The following NKAIN3 variants were observed in gnomAD, a reference collection of about 807,000 sequenced individuals.
NKAIN3 encodes sodium/potassium transporting ATPase interacting 3.
Under a neutral mutation model 30.2 loss-of-function variants are expected in NKAIN3, and 25 were observed. The ratio of observed to expected loss-of-function variants is 0.83; its 90% CI spans 0.60 to 1.16. The LOEUF (loss-of-function observed/expected upper bound fraction) is 1.16. NKAIN3 is among the 50% of genes most tolerant of loss of function. The pLI is 0.00. For synonymous variants in NKAIN3, 91 were observed against 89.6 expected, an observed-to-expected ratio of 1.02 and a Z score of -0.09; for missense variants, 225 against 254.1, an observed-to-expected ratio of 0.89 and a Z score of 0.78.
intron 4 of NKAIN3, among the ~76,000 whole-genome samples, chr8:62,817,068 C>G (rs1383858654): frequency 6.6e-6 from 1 of 152,142 alleles, no homozygotes; most frequent in African/African-American, 2.4e-5. Flanking sequence ...CTTTGCTTCC[C>G]TCTCTGTGCT....
intron 4 of NKAIN3, among the ~76,000 whole-genome samples, chr8:62,868,629 C>T (rs543367500): frequency 1.3e-5 from 2 of 152,120 alleles, no homozygotes; most frequent in Non-Finnish European, 2.9e-5. Context: ...GTGATAATGC[C>T]AGCATTTTCA....
intron 1 of NKAIN3, among the ~76,000 whole-genome samples, chr8:62,528,983 G>A (rs2129827137): frequency 6.6e-6 from 1 of 152,258 alleles, no homozygotes; most frequent in East Asian, 1.9e-4. Flanking sequence ...AGCCATAGGG[G>A]TAGAAGCAGA....
chr8:62,300,908 C>T (rs370664115), intron 1 of NKAIN3, among the ~76,000 whole-genome samples: 10 of 151,856 alleles, frequency 6.6e-5, no homozygotes, highest in East Asian at 1.9e-4. Flanking sequence ...GAAATCATTA[C>T]GAAGTACAAA....
intron 4 of NKAIN3, among the ~76,000 whole-genome samples, chr8:62,797,873 G>C (rs1263041016): frequency 6.6e-6 from 1 of 152,084 alleles, no homozygotes; most frequent in Non-Finnish European, 1.5e-5. Context: ...GAAATTTGTA[G>C]ACCGACCCTC....
chr8:62,648,055 G>A (rs1812518249), intron 3 of NKAIN3, among the ~76,000 whole-genome samples: 2 of 152,142 alleles, frequency 1.3e-5, no homozygotes, highest in Admixed American at 6.6e-5. Flanking sequence ...TGATTCTCGG[G>A]TTTCTGATTT....
chr8:62,311,280 G>A (rs1454942631), intron 1 of NKAIN3, among the ~76,000 whole-genome samples: 9 of 150,294 alleles, frequency 6.0e-5, no homozygotes, highest in Non-Finnish European at 1.0e-4. Context: ...ACGGGTACTG[G>A]GTAACTGTGG....
chr8:62,512,635 G>A (rs1047219007), intron 1 of NKAIN3, among the ~76,000 whole-genome samples: 11 of 152,112 alleles, frequency 7.2e-5, no homozygotes, highest in Admixed American at 7.2e-4. Context: ...TGACATTGGG[G>A]AAGGAGGCAC....
At chr8:62,888,281 A>G (rs1821204082) in intron 4 of NKAIN3, among the ~76,000 whole-genome samples, 1 of 152,214 alleles carries the variant, frequency 6.6e-6, no homozygotes, top group South Asian at 2.1e-4. Context: ...ATGCTCTGAC[A>G]TATTTCAAAA....
In NKAIN3 at chr8:62,388,258, A is replaced by G. The variant is rs866296950; in HGVS notation, c.54+139131A>G. Among the ~76,000 whole-genome samples the G allele has an allele frequency of 1.8e-4, 28 of 152,230 alleles. 1 individual carries two copies. Among genetic ancestry groups the G allele is most frequent in the Middle Eastern group, 6.3e-3 (2 of 316 alleles). ...TTAGAAATGTATTTGGGACCCCAAA[A>G]TTGTTCTTCTGTTTCAGATTATGTT... On this transcript the variant is annotated intron_variant, in intron 1 of 6. Transcript: ENST00000623646.
At chr8:62,893,163 G>A (rs981093556) in intron 4 of NKAIN3, among the ~76,000 whole-genome samples, 4 of 152,212 alleles carry the variant, frequency 2.6e-5, no homozygotes, top group African/African-American at 7.2e-5. Flanking sequence ...TGAGCTCAGG[G>A]CAACTTGCTC....
chr8:62,919,227 A>ATTTTTTTTTTTTTTTTTTTTTTT (rs71255371), intron 5 of NKAIN3, among the ~76,000 whole-genome samples: 3 of 47,188 alleles, frequency 6.4e-5, no homozygotes, highest in Non-Finnish European at 1.1e-4. Flanking sequence ...TACTTTCAAA[A>ATTTTTTTTTTTTTTTTTTTTTTT]TTTTTTTTTT....
intron 3 of NKAIN3, among the ~76,000 whole-genome samples, chr8:62,733,450 T>C (rs1815545781): frequency 6.6e-6 from 1 of 152,218 alleles, no homozygotes; most frequent in Admixed American, 6.5e-5. Flanking sequence ...TATATATTTC[T>C]GAGTTAAATC....
At chr8:62,992,917 C>T (rs868201443) in intron 5 of NKAIN3, among the ~76,000 whole-genome samples, 1 of 152,102 alleles carries the variant, frequency 6.6e-6, no homozygotes, top group African/African-American at 2.4e-5. Context: ...AAAAGGAAAA[C>T]TAACATCCGG....
intron 1 of NKAIN3, among the ~76,000 whole-genome samples, chr8:62,485,856 G>T (rs1806883776): frequency 6.6e-6 from 1 of 152,222 alleles, no homozygotes; most frequent in South Asian, 2.1e-4. Context: ...CTGCAGGAAA[G>T]TGTTTTAGCT....
At chr8:62,631,123 C>T (rs1406301686) in intron 3 of NKAIN3, among the ~76,000 whole-genome samples, 1 of 152,152 alleles carries the variant, frequency 6.6e-6, no homozygotes, top group Non-Finnish European at 1.5e-5. Context: ...CACCTCTCCG[C>T]TGTCAGGTTC....
At chr8:62,409,639 G>C (rs751129571) in intron 1 of NKAIN3, among the ~76,000 whole-genome samples, 2 of 151,874 alleles carry the variant, frequency 1.3e-5, no homozygotes, top group African/African-American at 4.8e-5. Context: ...TTCATTACAG[G>C]ATTAAATAAA....
intron 5 of NKAIN3, among the ~76,000 whole-genome samples, chr8:62,919,489 C>T (rs1196066982): frequency 1.3e-5 from 2 of 151,952 alleles, no homozygotes; most frequent in African/African-American, 2.4e-5. Flanking sequence ...TCGTGATCCA[C>T]CCGCCTCGGC....
intron 3 of NKAIN3, among the ~76,000 whole-genome samples, chr8:62,630,855 C>T (rs1418809594): frequency 6.6e-6 from 1 of 152,128 alleles, no homozygotes; most frequent in African/African-American, 2.4e-5. Flanking sequence ...GTTTTTCTCC[C>T]CCAACTGCTA....
At chr8:62,754,624 T>C (rs1816392461) in intron 4 of NKAIN3, among the ~76,000 whole-genome samples, 2 of 152,340 alleles carry the variant, frequency 1.3e-5, no homozygotes, top group Admixed American at 6.5e-5. Flanking sequence ...CCTATGAGAA[T>C]TGTTTTTTCA....
Sources: allele counts gnomAD v4.1 joint callset (sites outside exome capture counted in the v4.1 genomes callset), GRCh38; gene constraint gnomAD v4.1.1; transcripts MANE v1.5; gene names NCBI Gene and HGNC (gene_info 2026-07-23, HGNC 2026-07-21).